Variants in SELENON observed in about 807,000 individuals in gnomAD.
SELENON encodes selenoprotein N, 1.
Under a neutral mutation model 59.5 loss-of-function variants are expected in SELENON, and 44 were observed. That is an observed-to-expected ratio of 0.74 (90% CI 0.58 to 0.95). The LOEUF (loss-of-function observed/expected upper bound fraction) is 0.95. Among genes scored for constraint, SELENON ranks in the 40% least tolerant of loss-of-function variants. SELENON has a pLI of 0.00. For missense variants in SELENON, 674 were observed against 721.4 expected, an observed-to-expected ratio of 0.93 and a Z score of 0.75; for synonymous variants, 320 against 305.6, an observed-to-expected ratio of 1.05 and a Z score of -0.49.
chr1:25,801,021 C>A, intron 1 of SELENON, 22 bp from the exon 2 acceptor site: 2 of 1,600,492 alleles, frequency 1.2e-6, no homozygotes, highest in Non-Finnish European at 1.7e-6. Context: ...TGGTGCCCAG[C>A]CCAGTCTCTC....
chr1:25,814,738 G>A (rs542139324), intron 12 of SELENON, among the ~76,000 whole-genome samples: 4 of 152,288 alleles, frequency 2.6e-5, no homozygotes, highest in Admixed American at 6.5e-5. Flanking sequence ...GCTTTGAACC[G>A]AGGCCTGCCC....
chr1:25,811,019 C>T (rs1417528596), intron 7 of SELENON, among the ~76,000 whole-genome samples: 2 of 152,222 alleles, frequency 1.3e-5, no homozygotes, highest in Non-Finnish European at 2.9e-5. Flanking sequence ...GGGGCTCCCT[C>T]GTGCGGCGGA....
At position 25,811,463 on chromosome 1, in the gene SELENON, T is replaced by C. The variant is rs377531739; in HGVS notation, c.1020T>C (p.Asn340=). 6.2e-7 allele frequency: 1 copy of C among 1,613,856 alleles called. No homozygotes were observed. Among genetic ancestry groups the C allele is most frequent in the Middle Eastern group, 1.6e-4 (1 of 6,062 alleles). The change falls in exon 8 of 13, where the codon AAT becomes AAC. Residue 340 remains asparagine, a synonymous_variant. Coordinates refer to ENST00000361547, the MANE Select transcript of SELENON (RefSeq NM_020451.3). The stretch of plus-strand genomic sequence containing the variant: ...GCCCTGGCCATCCCAGGTCTCTGAA[T>C]GTGGACATGGAGTGGCTTTACGGGG...
chr1:25,804,030 A>G (rs1275947653), intron 3 of SELENON, among the ~76,000 whole-genome samples: 1 of 152,214 alleles, frequency 6.6e-6, no homozygotes, highest in African/African-American at 2.4e-5. Flanking sequence ...CTGTGATATC[A>G]GTAAAATAAT....
intron 6 of SELENON, 80 bp from the exon 6 acceptor site, chr1:25,809,603 C>G (rs979529924): frequency 6.3e-7 from 1 of 1,597,980 alleles, no homozygotes. Flanking sequence ...CCTCCTCTCC[C>G]TGATGATTCT....
chr1:25,800,291 C>A lies in SELENON; in HGVS notation c.61C>A (p.Pro21Thr). Residue 21 changes from proline to threonine, a missense_variant, in exon 1 of 13, where the codon CCC becomes ACC. Transcript: ENST00000361547. Reference sequence around the variant, plus strand: ...CAGCCCCGGCCCCGCCGCGCAGCCTCCCGCGCCACCGCGCCGCCGCGCCCG... The same window carrying A: ...CAGCCCCGGCCCCGCCGCGCAGCCTACCGCGCCACCGCGCCGCCGCGCCCG... 1.0e-6 allele frequency: 1 copy of A among 991,012 alleles called. No individual in the cohort carries two copies. The highest frequency in any genetic ancestry group is 1.2e-6 in the Non-Finnish European group (1 of 833,958). The allele number at this position is 991,012 out of a possible 1,614,324, so 61.4% of individuals were successfully genotyped here.
intron 10 of SELENON, 62 bp downstream of exon 9, chr1:25,812,854 G>C: frequency 3.2e-6 from 4 of 1,267,380 alleles, no homozygotes; most frequent in Non-Finnish European, 4.5e-6. Flanking sequence ...TGGGGTACCA[G>C]AGGCTCTGAG....
chr1:25,815,214 C>T (rs533681817), intron 12 of SELENON, among the ~76,000 whole-genome samples: 4 of 141,460 alleles, frequency 2.8e-5, no homozygotes, highest in Admixed American at 1.5e-4. Context: ...GAAGGGAGCA[C>T]GGAGTTCAGG....
intron 6 of SELENON, 34 bp from the exon 6 acceptor site, chr1:25,809,649 G>C: frequency 6.2e-7 from 1 of 1,611,814 alleles, no homozygotes; most frequent in Non-Finnish European, 8.5e-7. Context: ...GAGAAGGTGG[G>C]CAGCTCTGGT....
Position 25,800,200 on chromosome 1 carries a change from G to C in SELENON, c.-31G>C, listed in dbSNP as rs1209094394. The C allele has an allele frequency of 2.1e-5, 7 of 336,198 alleles. No homozygotes were observed. Among genetic ancestry groups the C allele is most frequent in the Admixed American group, 2.1e-4 (3 of 14,558 alleles). The allele number at this position is 336,198 out of a possible 1,614,324, so 20.8% of individuals were successfully genotyped here. A position where few individuals can be genotyped will look rare whatever the true frequency, so the allele number is the denominator to read the frequency against. ...GCCCCGCCCCGCTCTTTCGCTTCCC[G>C]GGCCGCCGGCAGCCGCCGCCAGCCG... On this transcript the variant is annotated 5_prime_UTR_variant, in exon 1 of 13. Transcript: ENST00000361547.
At chr1:25,804,864 G>A (rs903952653) in intron 3 of SELENON, among the ~76,000 whole-genome samples, 10 of 152,076 alleles carry the variant, frequency 6.6e-5, no homozygotes, top group East Asian at 3.9e-4. Context: ...TTTCAATCCC[G>A]ATTCCCCCAC....
rs1201940160 is a variant in SELENON at position 25,800,214 on chromosome 1, C to CGCCGCCA, written c.-11_-5dup. 1.6e-6 allele frequency: 1 copy of CGCCGCCA among 641,228 alleles called. No individual in the cohort carries two copies. The highest frequency in any genetic ancestry group is 2.0e-5 in the African/African-American group (1 of 49,926). The allele number at this position is 641,228 out of a possible 1,614,324, so 39.7% of individuals were successfully genotyped here. ...TTTCGCTTCCCGGGCCGCCGGCAGCCGCCGCCAGCCGCAGCCATGGGCCGG... is the reference window on the plus strand; with the variant it reads ...TTTCGCTTCCCGGGCCGCCGGCAGCCGCCGCCAGCCGCCAGCCGCAGCCATGGGCCGG... On this transcript the variant is annotated 5_prime_UTR_variant, in exon 1 of 13. Coordinates refer to ENST00000361547, the MANE Select transcript of SELENON (RefSeq NM_020451.3).
rs1557428049 is a variant in SELENON, at chr1:25,805,164, C to T, written c.426C>T (p.Cys142=). The T allele has an allele frequency of 2.5e-6, 4 of 1,608,570 alleles. No homozygotes were observed. Among genetic ancestry groups the T allele is most frequent in the Non-Finnish European group, 3.4e-6 (4 of 1,175,872 alleles). The change falls in exon 4 of 13, where the codon TGC becomes TGT. Residue 142 remains cysteine, a synonymous_variant. Coordinates refer to ENST00000361547, the MANE Select transcript of SELENON (RefSeq NM_020451.3). ...TAGGGTCAACTCCCGCGGCCAGCTGCGAGGAGGAGGAGTTGCCCCCTGACC... is the reference window on the plus strand; with the variant it reads ...TAGGGTCAACTCCCGCGGCCAGCTGTGAGGAGGAGGAGTTGCCCCCTGACC...
chr1:25,814,947 G>A (rs1397624686), intron 12 of SELENON, among the ~76,000 whole-genome samples: 2 of 152,138 alleles, frequency 1.3e-5, no homozygotes, highest in Non-Finnish European at 2.9e-5. Context: ...GGCACCAGGC[G>A]GAAGGCATCT....
At chr1:25,806,999 T>C (rs2047913705) in intron 4 of SELENON, among the ~76,000 whole-genome samples, 1 of 152,132 alleles carries the variant, frequency 6.6e-6, no homozygotes, top group African/African-American at 2.4e-5. Flanking sequence ...TTTCTTTGTA[T>C]TTTTAGTAGA....
At chr1:25,800,965 T>G (rs1312263414) in intron 1 of SELENON, 78 bp from the exon 2 acceptor site, 2 of 1,132,470 alleles carry the variant, frequency 1.8e-6, no homozygotes, top group Admixed American at 1.7e-5. Flanking sequence ...AGGGGCTCCA[T>G]GCGGAAGCAA....
chr1:25,808,019 C>T (rs2047922323), intron 4 of SELENON, among the ~76,000 whole-genome samples: 1 of 152,214 alleles, frequency 6.6e-6, no homozygotes, highest in Non-Finnish European at 1.5e-5. Context: ...CTAGAGATTT[C>T]ACCTCAAACA....
At chr1:25,802,852 C>T (rs2047871809) in intron 3 of SELENON, among the ~76,000 whole-genome samples, 1 of 152,224 alleles carries the variant, frequency 6.6e-6, no homozygotes, top group Non-Finnish European at 1.5e-5. Flanking sequence ...ATCTTGGACA[C>T]CTACTTATTA....
intron 4 of SELENON, 45 bp from the exon 4 acceptor site, chr1:25,808,535 A>C (rs749376711): frequency 1.2e-6 from 2 of 1,601,300 alleles, no homozygotes; most frequent in Non-Finnish European, 8.5e-7. Flanking sequence ...GAGACCCCGG[A>C]GTCAGGTTCT....
Sources: allele counts gnomAD v4.1 joint callset (sites outside exome capture counted in the v4.1 genomes callset), GRCh38; gene constraint gnomAD v4.1.1; transcripts MANE v1.5; gene names NCBI Gene and HGNC (gene_info 2026-07-23, HGNC 2026-07-21).